Variants in FAM168A observed in about 807,000 individuals in gnomAD.
FAM168A encodes protein FAM168A.
In FAM168A, 3 loss-of-function variants were observed where a neutral mutation model predicts 28.5. The ratio of observed to expected loss-of-function variants is 0.11; its 90% CI spans 0.05 to 0.27. The LOEUF (loss-of-function observed/expected upper bound fraction) is 0.27, where lower values mean the gene tolerates loss of function less well. Among genes scored for constraint, FAM168A ranks in the 10% least tolerant of loss-of-function variants. The pLI is 1.00. For synonymous variants in FAM168A, 122 were observed against 124.2 expected, an observed-to-expected ratio of 0.98 and a Z score of 0.12; for missense variants, 222 against 311.5, an observed-to-expected ratio of 0.71 and a Z score of 2.16.
chr11:73,491,974 T>C (rs1868134069), intron 1 of FAM168A, among the ~76,000 whole-genome samples: 1 of 152,224 alleles, frequency 6.6e-6, no homozygotes, highest in African/African-American at 2.4e-5. Context: ...CAAAGGTACT[T>C]TGTGAATGTT....
At chr11:73,553,691 G>A (rs897125266) in intron 1 of FAM168A, among the ~76,000 whole-genome samples, 10 of 152,118 alleles carry the variant, frequency 6.6e-5, no homozygotes, top group Non-Finnish European at 2.9e-5. Context: ...CCTTTAAAAA[G>A]TTATACCTGG....
intron 1 of FAM168A, among the ~76,000 whole-genome samples, chr11:73,513,484 G>C (rs576966525): frequency 1.5e-4 from 22 of 151,722 alleles, no homozygotes; most frequent in Admixed American, 5.3e-4. Context: ...CCAAAGTGCT[G>C]GGATTACAGG....
chr11:73,544,450 A>G (rs1309872320), intron 1 of FAM168A, among the ~76,000 whole-genome samples: 1 of 151,724 alleles, frequency 6.6e-6, no homozygotes, highest in Non-Finnish European at 1.5e-5. Context: ...GAGAAATAAG[A>G]AACCTATGTC....
At chr11:73,561,382 T>TA (rs934698968) in intron 1 of FAM168A, among the ~76,000 whole-genome samples, 2 of 151,854 alleles carry the variant, frequency 1.3e-5, no homozygotes, top group African/African-American at 4.8e-5. Context: ...CATCTCAAAA[T>TA]AAAAAAAGTT....
chr11:73,430,806 C>A, intron 2 of FAM168A, 36 bp from the exon 3 acceptor site: 6 of 1,430,208 alleles, frequency 4.2e-6, no homozygotes, highest in South Asian at 1.3e-5. Flanking sequence ...TTTAGTTAGG[C>A]AAAAAAAACA....
At position 73,535,393 on chromosome 11, in the gene FAM168A, C is replaced by T. The variant is rs141996589; in HGVS notation, c.-19+62530G>A. Reference sequence around the variant, plus strand: ...TAGCTAGGACTACAGGTGCTCACGACCACATCCAGCTATTTTCTTTCTTTC... The same window carrying T: ...TAGCTAGGACTACAGGTGCTCACGATCACATCCAGCTATTTTCTTTCTTTC... On this transcript the variant is annotated intron_variant, in intron 1 of 7. Coordinates refer to ENST00000356467, the MANE Select transcript of FAM168A (RefSeq NM_015159.3). 3.3e-3 allele frequency among the ~76,000 whole-genome samples: 501 copies of T among 151,018 alleles called. 3 individuals carry two copies. The highest frequency in any genetic ancestry group is 0.014 in the Middle Eastern group (4 of 294).
intron 1 of FAM168A, among the ~76,000 whole-genome samples, chr11:73,551,909 G>C (rs1199556206): frequency 1.3e-5 from 2 of 152,200 alleles, no homozygotes; most frequent in Admixed American, 6.5e-5. Context: ...CCACAGTACA[G>C]TACTTAGGAA....
At chr11:73,548,508 T>C (rs1404410555) in intron 1 of FAM168A, among the ~76,000 whole-genome samples, 3 of 152,184 alleles carry the variant, frequency 2.0e-5, no homozygotes, top group Admixed American at 6.5e-5. Context: ...AAGCTGCATA[T>C]GTGACAACCA....
intron 1 of FAM168A, among the ~76,000 whole-genome samples, chr11:73,582,362 A>G (rs1322716852): frequency 6.6e-6 from 1 of 151,964 alleles, no homozygotes; most frequent in Non-Finnish European, 1.5e-5. Flanking sequence ...TCTACTAAAA[A>G]TACAAAAAAA....
At chr11:73,439,643 A>G (rs1362424975) in intron 2 of FAM168A, among the ~76,000 whole-genome samples, 5 of 151,982 alleles carry the variant, frequency 3.3e-5, no homozygotes, top group African/African-American at 1.2e-4. Context: ...ATCTGCTGGT[A>G]TAGGAGAAAT....
chr11:73,595,918 CA>C (rs997208268), intron 1 of FAM168A, among the ~76,000 whole-genome samples: 1 of 152,236 alleles, frequency 6.6e-6, no homozygotes, highest in African/African-American at 2.4e-5. Context: ...AAAACTCCAT[CA>C]GTACCAAACC....
intron 1 of FAM168A, among the ~76,000 whole-genome samples, chr11:73,570,934 C>A (rs567465123): frequency 1.0e-3 from 153 of 152,048 alleles, no homozygotes; most frequent in Middle Eastern, 6.8e-3. Flanking sequence ...ACTAGCAGAC[C>A]AAGAACAGAG....
intron 2 of FAM168A, among the ~76,000 whole-genome samples, chr11:73,432,907 A>G (rs1867021062): frequency 6.6e-6 from 1 of 151,846 alleles, no homozygotes; most frequent in African/African-American, 2.4e-5. Context: ...ATAAAATAAA[A>G]CAATTATTTG....
chr11:73,411,367 GA>G, intron 5 of FAM168A, 26 bp downstream of exon 5: 1 of 1,559,828 alleles, frequency 6.4e-7, no homozygotes, highest in South Asian at 1.2e-5. Context: ...TCTACCTGCA[GA>G]AGAGGTGGCT....
intron 3 of FAM168A, 83 bp downstream of exon 3, chr11:73,430,607 A>G: frequency 1.5e-6 from 2 of 1,300,560 alleles, no homozygotes; most frequent in Admixed American, 1.7e-5. Context: ...AGAACAGGAA[A>G]AGGCCAGCAA....
chr11:73,581,752 T>C (rs972141085), intron 1 of FAM168A, among the ~76,000 whole-genome samples: 15 of 152,080 alleles, frequency 9.9e-5, no homozygotes, highest in East Asian at 1.9e-4. Context: ...GGAGTCTCCC[T>C]CTATTGCCCA....
At chr11:73,454,048 TG>T (rs1381703018) in intron 2 of FAM168A, among the ~76,000 whole-genome samples, 1 of 152,218 alleles carries the variant, frequency 6.6e-6, no homozygotes, top group Non-Finnish European at 1.5e-5. Context: ...TGCCCAAGAA[TG>T]TCAGAAGCTC....
chr11:73,499,685 C>T (rs1191052047), intron 1 of FAM168A, among the ~76,000 whole-genome samples: 2 of 152,128 alleles, frequency 1.3e-5, no homozygotes, highest in East Asian at 3.9e-4. Context: ...ACATAAACCA[C>T]CTGATGGAGC....
At chr11:73,573,247 G>A (rs1590742048) in intron 1 of FAM168A, among the ~76,000 whole-genome samples, 1 of 152,206 alleles carries the variant, frequency 6.6e-6, no homozygotes, top group Non-Finnish European at 1.5e-5. Flanking sequence ...CATACTCCTA[G>A]AAGGCTTAAA....
Sources: allele counts gnomAD v4.1 joint callset (sites outside exome capture counted in the v4.1 genomes callset), GRCh38; gene constraint gnomAD v4.1.1; transcripts MANE v1.5; gene names NCBI Gene and HGNC (gene_info 2026-07-23, HGNC 2026-07-21).